The following MRGPRX1 variants were observed in gnomAD, a reference collection of about 807,000 sequenced individuals.
The protein encoded by MRGPRX1 is MAS related GPR family member X1, also known as mas-related G protein-coupled receptor member X1.
For missense variants in MRGPRX1, 411 were observed against 393.8 expected, an observed-to-expected ratio of 1.04 and a Z score of -0.37; for synonymous variants, 208 against 170.4, an observed-to-expected ratio of 1.22 and a Z score of -1.72.
intron 1 of MRGPRX1, chr11:18,935,192 A>G: frequency 5.7e-6 from 1 of 174,556 alleles, no homozygotes. Flanking sequence ...CTGATCATCC[A>G]TGGACAGGAA....
chr11:18,935,626 G>A (rs1393766930), intron 1 of MRGPRX1, among the ~76,000 whole-genome samples: 1 of 151,420 alleles, frequency 6.6e-6, no homozygotes, highest in African/African-American at 2.4e-5. Context: ...AGGACTCAGT[G>A]TGGCTTTGCC....
chr11:18,937,584 A>G (rs1429236292), intron 1 of MRGPRX1, among the ~76,000 whole-genome samples: 1 of 151,570 alleles, frequency 6.6e-6, no homozygotes, highest in Non-Finnish European at 1.5e-5. Flanking sequence ...GTGTTATTTC[A>G]GAAGTAATGA....
At chr11:18,936,305 A>G (rs1209646972) in intron 1 of MRGPRX1, among the ~76,000 whole-genome samples, 1 of 151,248 alleles carries the variant, frequency 6.6e-6, no homozygotes, top group Non-Finnish European at 1.5e-5. Flanking sequence ...GTTGAAAAAA[A>G]AAAAAACTAA....
At position 18,934,510 on chromosome 11, in the gene MRGPRX1, TG is replaced by T. The variant is rs1480751028; in HGVS notation, c.274del (p.His92IlefsTer10). 6.2e-6 allele frequency: 10 copies of T among 1,610,396 alleles called. No homozygotes were observed. In the African/African-American group the frequency reaches 1.2e-4, roughly 19 times the overall value. On this transcript the variant is annotated frameshift_variant, in exon 2 of 2. Transcript: ENST00000526914. LOFTEE classifies it low-confidence loss of function (END_TRUNC). ...YSLLSFISIP[H>X]TISKILYPVM... Reference sequence around the variant, plus strand: ...AGGATAGAGGATTTTAGAGATGGTATGGGGGATACTGATGAAGCTTAACAGG... The same window carrying T: ...AGGATAGAGGATTTTAGAGATGGTATGGGGATACTGATGAAGCTTAACAGG...
Position 18,934,301 on chromosome 11 carries a change from C to G in MRGPRX1, c.484G>C (p.Gly162Arg). The G allele has an allele frequency of 6.2e-7, 1 of 1,610,698 alleles. No individual in the cohort carries two copies. The highest frequency in any genetic ancestry group is 8.5e-7 in the Non-Finnish European group (1 of 1,178,162). The change falls in exon 2 of 2, where the codon GGC becomes CGC. Residue 162 changes from glycine to arginine, a missense_variant. Physicochemically the swap from Gly to Arg is moderately radical, Grantham distance 125 (BLOSUM62 -2). Coordinates refer to ENST00000526914, the MANE Select transcript of MRGPRX1 (RefSeq NM_001393578.1). ...GAATCAGCACCACTGAACAGGAAGC[C>G]ACATAACATCCACTCCAGGATGCTC... is the stretch of plus-strand genomic sequence containing the variant. Reference protein sequence around the residue: ...LRSILEWMLCGFLFSGADSAW... With the variant: ...LRSILEWMLCRFLFSGADSAW...
intron 1 of MRGPRX1, among the ~76,000 whole-genome samples, chr11:18,938,095 A>C (rs1848855086): frequency 1.3e-5 from 2 of 151,506 alleles, no homozygotes; most frequent in South Asian, 4.2e-4. Flanking sequence ...ATTCTTTTTA[A>C]TTCCAGTTTC....
Position 18,935,747 on chromosome 11 carries a change from A to T in MRGPRX1, c.-25-938T>A, listed in dbSNP as rs139130332. ...GTAAGTGAGGGTGAGCCTGAGTGCC[A>T]CTGCAGCAGGTAATTAAAGTGTGGG... On this transcript the variant is annotated intron_variant, in intron 1 of 1. Coordinates refer to ENST00000526914, the MANE Select transcript of MRGPRX1 (RefSeq NM_001393578.1). Among the ~76,000 whole-genome samples the T allele has an allele frequency of 5.5e-3, 828 of 151,448 alleles. 32 individuals carry two copies. The highest frequency in any genetic ancestry group is 0.019 in the African/African-American group (784 of 41,336).
chr11:18,937,592 T>C (rs1848851145), intron 1 of MRGPRX1, among the ~76,000 whole-genome samples: 1 of 151,510 alleles, frequency 6.6e-6, no homozygotes, highest in Admixed American at 6.6e-5. Context: ...TCAGAAGTAA[T>C]GACAAGGAAA....
intron 1 of MRGPRX1, among the ~76,000 whole-genome samples, chr11:18,936,671 G>T (rs1848843523): frequency 6.6e-6 from 1 of 151,510 alleles, no homozygotes; most frequent in Admixed American, 6.6e-5. Flanking sequence ...TAGGGTAATG[G>T]TGTGTTTGTC....
rs751811817 is a variant in MRGPRX1, at chr11:18,934,699, C to G, written c.86G>C (p.Ser29Thr). 3 of 1,609,914 alleles carry G rather than the reference C, an allele frequency of 1.9e-6. No homozygotes were observed. The highest frequency in any genetic ancestry group is 1.7e-5 in the Admixed American group (1 of 59,134). The change falls in exon 2 of 2, where the codon AGC (serine) becomes ACC (threonine). Residue 29 changes from serine to threonine, a missense_variant. Physicochemically the swap from Ser to Thr is moderately conservative, Grantham distance 58. Transcript: ENST00000526914. ...AACGATGCACGTCAGCACCGTGAGGCTCAAGGTCTGCTTGTAGCAAAGAGT... is the reference window on the plus strand; with the variant it reads ...AACGATGCACGTCAGCACCGTGAGGGTCAAGGTCTGCTTGTAGCAAAGAGT... Reference protein sequence around the residue: ...EETLCYKQTLSLTVLTCIVSL... With the variant: ...EETLCYKQTLTLTVLTCIVSL...
chr11:18,937,435 C>T (rs1848849966), intron 1 of MRGPRX1, among the ~76,000 whole-genome samples: 2 of 151,578 alleles, frequency 1.3e-5, no homozygotes, highest in East Asian at 1.9e-4. Flanking sequence ...CCAAAATCTG[C>T]AGATGCTCAA....
intron 1 of MRGPRX1, among the ~76,000 whole-genome samples, chr11:18,937,195 A>T (rs1440223687): frequency 2.0e-5 from 3 of 151,402 alleles, no homozygotes; most frequent in African/African-American, 7.3e-5. Context: ...GGAGCAACGC[A>T]TCTCCTTTCC....
At position 18,934,281 on chromosome 11, in the gene MRGPRX1, A is replaced by G. The variant is rs1848817949; in HGVS notation, c.504T>C (p.Ala168=). ...CTGATGTTTGACACCAAGCAGAATC[A>G]GCACCACTGAACAGGAAGCCACATA... is the stretch of plus-strand genomic sequence containing the variant. ...WMLCGFLFSG[A]DSAWCQTSDF... is the part of the protein sequence containing the mutation. The change falls in exon 2 of 2, where the codon GCT becomes GCC. Residue 168 remains alanine (A), a synonymous_variant. Coordinates refer to ENST00000526914, the MANE Select transcript of MRGPRX1 (RefSeq NM_001393578.1). 6.2e-7 allele frequency: 1 copy of G among 1,610,686 alleles called. No homozygotes were observed. The highest frequency in any genetic ancestry group is 8.5e-7 in the Non-Finnish European group (1 of 1,178,168).
At position 18,934,310 on chromosome 11, in the gene MRGPRX1, TC is replaced by T. The variant is rs777595892; in HGVS notation, c.474del (p.Trp158Ter). ...ALSLLRSILE[W>X]MLCGFLFSGA... is the part of the protein sequence containing the mutation. Reference sequence around the variant, plus strand: ...CCACTGAACAGGAAGCCACATAACATCCACTCCAGGATGCTCCGCAGCAGGG... The same window carrying T: ...CCACTGAACAGGAAGCCACATAACATCACTCCAGGATGCTCCGCAGCAGGG... On this transcript the variant is annotated frameshift_variant, in exon 2 of 2. Transcript: ENST00000526914. LOFTEE classifies it low-confidence loss of function (END_TRUNC). The T allele has an allele frequency of 6.8e-6, 11 of 1,610,236 alleles. No individual in the cohort carries two copies. Among genetic ancestry groups the T allele is most frequent in the Admixed American group, 1.7e-5 (1 of 59,334 alleles).
In MRGPRX1 at chr11:18,934,469, A is replaced by T. The variant is rs779415102; in HGVS notation, c.316T>A (p.Tyr106Asn). 6.2e-7 allele frequency: 1 copy of T among 1,610,742 alleles called. No individual in the cohort carries two copies. Among genetic ancestry groups the T allele is most frequent in the Non-Finnish European group, 8.5e-7 (1 of 1,178,124 alleles). The stretch of plus-strand genomic sequence containing the variant: ...CTCAGAAAGCTCAGGCCTGCAAAGT[A>T]GGAAAACATCATCACAGGATAGAGG... Reference protein sequence around the residue: ...KILYPVMMFSYFAGLSFLSAV... With the variant: ...KILYPVMMFSNFAGLSFLSAV... Residue 106 changes from tyrosine to asparagine, a missense_variant, in exon 2 of 2, where the codon TAC becomes AAC. By Grantham distance (143) the Tyr-to-Asn change is moderately radical. Transcript: ENST00000526914.
chr11:18,936,875 C>T (rs931732784), intron 1 of MRGPRX1, among the ~76,000 whole-genome samples: 4 of 151,494 alleles, frequency 2.6e-5, no homozygotes, highest in African/African-American at 9.7e-5. Context: ...CCAATGCCAG[C>T]CCCTGGTCCC....
intron 1 of MRGPRX1, among the ~76,000 whole-genome samples, chr11:18,936,285 A>C (rs1848839975): frequency 6.7e-6 from 1 of 150,336 alleles, no homozygotes; most frequent in African/African-American, 2.5e-5. Flanking sequence ...AGTTGGCGGC[A>C]AAATTGTGGG....
In MRGPRX1 at chr11:18,933,974, T is replaced by C; in HGVS notation, c.811A>G (p.Ile271Val). ...SALNSSANPI[I>V]YFFVGSFRQR... ...CTAAAGGAGCCCACGAAGAAGTAAA[T>C]GATGGGGTTGGCACTGCTGTTAAGA... The change falls in exon 2 of 2, where the codon ATT (isoleucine) becomes GTT (valine). Residue 271 changes from isoleucine (I) to valine (V), a missense_variant. Physicochemically the swap from Ile to Val is conservative, Grantham distance 29. Transcript: ENST00000526914. The C allele has an allele frequency of 6.2e-7, 1 of 1,610,802 alleles. No homozygotes were observed. Among genetic ancestry groups the C allele is most frequent in the Non-Finnish European group, 8.5e-7 (1 of 1,178,208 alleles).
chr11:18,934,018 A>G lies in MRGPRX1; in HGVS notation c.767T>C (p.Val256Ala). 6.2e-7 allele frequency: 1 copy of G among 1,610,954 alleles called. No individual in the cohort carries two copies. The highest frequency in any genetic ancestry group is 8.5e-7 in the Non-Finnish European group (1 of 1,178,254). Residue 256 changes from valine to alanine, a missense_variant, in exon 2 of 2, where the codon GTT becomes GCT. Coordinates refer to ENST00000526914, the MANE Select transcript of MRGPRX1 (RefSeq NM_001393578.1). Reference protein sequence around the residue: ...REVLFCHVHLVSIFLSALNSS... With the variant: ...REVLFCHVHLASIFLSALNSS... ...GTTAAGAGCGGACAGGAAAATAGAA[A>G]CTAGATGAACATGACAAAATAAGAC... is the stretch of plus-strand genomic sequence containing the variant.
Sources: allele counts gnomAD v4.1 joint callset (sites outside exome capture counted in the v4.1 genomes callset), GRCh38; gene constraint gnomAD v4.1.1; transcripts MANE v1.5; gene names NCBI Gene and HGNC (gene_info 2026-07-23, HGNC 2026-07-21).